The following ZNF385D variants were observed in gnomAD, a reference collection of about 807,000 sequenced individuals.
ZNF385D encodes the protein zinc finger protein 659.
ZNF385D carries 15 observed loss-of-function variants against 35.8 expected under a neutral mutation model. The observed-to-expected ratio is 0.42, with a 90% CI of 0.28 to 0.64. The LOEUF (loss-of-function observed/expected upper bound fraction) is 0.64, where lower values mean the gene tolerates loss of function less well. ZNF385D is among the 30% of genes least tolerant of loss of function. The pLI is 0.23. For missense variants in ZNF385D, 474 were observed against 494.6 expected (o/e 0.96, Z 0.39); for synonymous variants, 212 against 186.8 (o/e 1.13, Z -1.10).
intron 3 of ZNF385D, among the ~76,000 whole-genome samples, chr3:22,057,124 T>A (rs1280358303): frequency 1.3e-5 from 2 of 152,242 alleles, no homozygotes. Context: ...TGTAAGATAT[T>A]TGTGTTTAAA....
intron 2 of ZNF385D, among the ~76,000 whole-genome samples, chr3:22,250,775 C>A (rs931985558): frequency 2.6e-5 from 4 of 152,068 alleles, no homozygotes; most frequent in African/African-American, 9.7e-5. Flanking sequence ...ATCAAGTGAG[C>A]AAAGGGCAAA....
intron 2 of ZNF385D, among the ~76,000 whole-genome samples, chr3:22,315,576 G>C (rs955822383): frequency 3.9e-5 from 6 of 152,170 alleles, no homozygotes; most frequent in African/African-American, 1.4e-4. Context: ...ATTCAAAACG[G>C]AAGGAGTTAT....
At chr3:21,988,605 G>T (rs961547676) in intron 3 of ZNF385D, among the ~76,000 whole-genome samples, 1 of 150,862 alleles carries the variant, frequency 6.6e-6, no homozygotes, top group African/African-American at 2.4e-5. Context: ...GTCTGCAGAG[G>T]TTACTGCTGT....
intron 2 of ZNF385D, among the ~76,000 whole-genome samples, chr3:21,631,751 A>G (rs2125836567): frequency 6.6e-6 from 1 of 152,236 alleles, no homozygotes; most frequent in African/African-American, 2.4e-5. Flanking sequence ...GATTTGAGAT[A>G]GAGGAAACTT....
chr3:21,799,553 G>A (rs1197549757), intron 3 of ZNF385D, among the ~76,000 whole-genome samples: 1 of 151,916 alleles, frequency 6.6e-6, no homozygotes, highest in African/African-American at 2.4e-5. Context: ...TCATATTGTG[G>A]CCATTTATAT....
intron 3 of ZNF385D, among the ~76,000 whole-genome samples, chr3:22,026,493 G>A (rs992685716): frequency 2.6e-5 from 4 of 152,156 alleles, no homozygotes; most frequent in African/African-American, 9.7e-5. Flanking sequence ...TGTCACTGTG[G>A]TCCTCCAGTT....
intron 3 of ZNF385D, among the ~76,000 whole-genome samples, chr3:21,760,689 G>A (rs1411646100): frequency 1.3e-5 from 2 of 152,106 alleles, no homozygotes; most frequent in African/African-American, 4.8e-5. Flanking sequence ...ACTATCAAGA[G>A]CAGTACTGAC....
intron 3 of ZNF385D, among the ~76,000 whole-genome samples, chr3:22,127,232 T>C (rs1703485247): frequency 6.6e-6 from 1 of 151,736 alleles, no homozygotes; most frequent in Non-Finnish European, 1.5e-5. Flanking sequence ...TCTGGTTGTT[T>C]TGTGGTTTTC....
chr3:21,761,869 CTTTTTTTTTTT>C lies in ZNF385D; in HGVS notation c.326-96852_326-96842del, dbSNP rs58790934. Among the ~76,000 whole-genome samples the C allele has an allele frequency of 6.0e-4, 46 of 77,220 alleles. 1 individual carries two copies. The highest frequency in any genetic ancestry group is 2.5e-3 in the African/African-American group (44 of 17,832). The allele number at this position is 77,220 out of a possible 152,430, so 50.7% of individuals were successfully genotyped here. A position where few individuals can be genotyped will look rare whatever the true frequency, so the allele number is the denominator to read the frequency against. On this transcript the variant is annotated intron_variant, in intron 3 of 5. Transcript: ENST00000494108. Reference sequence around the variant, plus strand: ...TTATGATTTCAAGAGCATTTTCTTCCTTTTTTTTTTTTTTTTTTTTTTTTTTTTGAGACGGA... The same window carrying C: ...TTATGATTTCAAGAGCATTTTCTTCCTTTTTTTTTTTTTTTTTGAGACGGA...
At chr3:22,151,642 C>G (rs975705986) in intron 3 of ZNF385D, among the ~76,000 whole-genome samples, 2 of 152,120 alleles carry the variant, frequency 1.3e-5, no homozygotes, top group Non-Finnish European at 2.9e-5. Flanking sequence ...AGGACTTCAA[C>G]TGATTGGCTG....
At chr3:21,846,029 T>G (rs964152053) in intron 3 of ZNF385D, among the ~76,000 whole-genome samples, 3 of 151,998 alleles carry the variant, frequency 2.0e-5, no homozygotes, top group African/African-American at 7.2e-5. Context: ...AGCCTGCTAG[T>G]AACATACAGA....
chr3:22,227,696 A>C (rs1491878), intron 2 of ZNF385D, among the ~76,000 whole-genome samples: 27,170 of 152,108 alleles, frequency 0.18, 2,555 homozygotes, highest in Middle Eastern at 0.23. Flanking sequence ...ATGTCATGAT[A>C]CCATTGCCAT....
At chr3:22,083,511 G>C (rs554535831) in intron 3 of ZNF385D, among the ~76,000 whole-genome samples, 89 of 151,664 alleles carry the variant, frequency 5.9e-4, no homozygotes, top group Non-Finnish European at 1.1e-3. Context: ...AATAAATGAA[G>C]TGAGAAGAGA....
intron 2 of ZNF385D, among the ~76,000 whole-genome samples, chr3:21,582,063 T>G (rs1346924053): frequency 6.6e-6 from 1 of 152,208 alleles, no homozygotes; most frequent in Non-Finnish European, 1.5e-5. Flanking sequence ...ATTATCCTCA[T>G]TTTACAGAAA....
intron 2 of ZNF385D, among the ~76,000 whole-genome samples, chr3:22,321,286 C>A (rs897198847): frequency 1.4e-5 from 2 of 147,682 alleles, no homozygotes; most frequent in African/African-American, 5.0e-5. Context: ...TTTTGTATAA[C>A]CTTTTTTAAA....
At chr3:21,915,584 T>C (rs7635489) in intron 3 of ZNF385D, among the ~76,000 whole-genome samples, 2 of 151,646 alleles carry the variant, frequency 1.3e-5, no homozygotes, top group African/African-American at 4.8e-5. Flanking sequence ...CGGTAAAGCA[T>C]CTGGTTCATT....
At chr3:21,962,372 T>C (rs1247912054) in intron 3 of ZNF385D, among the ~76,000 whole-genome samples, 1 of 152,060 alleles carries the variant, frequency 6.6e-6, no homozygotes, top group Admixed American at 6.6e-5. Flanking sequence ...TGCAAAGACA[T>C]CTCTGCAGAG....
intron 3 of ZNF385D, among the ~76,000 whole-genome samples, chr3:21,764,021 G>A (rs950825654): frequency 6.6e-6 from 1 of 152,098 alleles, no homozygotes; most frequent in Non-Finnish European, 1.5e-5. Flanking sequence ...TGGATCAATG[G>A]CTACAACAAT....
At chr3:21,699,434 C>T (rs1203442736) in intron 1 of ZNF385D, among the ~76,000 whole-genome samples, 1 of 151,838 alleles carries the variant, frequency 6.6e-6, no homozygotes, top group Non-Finnish European at 1.5e-5. Context: ...AAGTGTATAC[C>T]TATGTAACAC....
Sources: gnomAD v4.1 joint callset for allele counts (sites outside exome capture counted in the v4.1 genomes callset) on GRCh38, gnomAD v4.1.1 for gene constraint, MANE v1.5 for transcripts, NCBI Gene and HGNC (gene_info 2026-07-23, HGNC 2026-07-21) for gene names.